POLD3: variants seen among roughly 807,000 people sequenced by gnomAD.
POLD3 encodes the protein DNA polymerase delta subunit 3.
POLD3 carries 19 observed loss-of-function variants against 58.2 expected under a neutral mutation model. The observed-to-expected ratio is 0.33, with a 90% confidence interval of 0.23 to 0.48. POLD3 has a LOEUF of 0.48. POLD3 is among the 20% of genes least tolerant of loss of function. The pLI, the probability that POLD3 is intolerant of heterozygous loss-of-function variation, is 0.99. For synonymous variants in POLD3, 172 were observed against 193.5 expected, an observed-to-expected ratio of 0.89 and a Z score of 0.92; for missense variants, 504 against 545.5, an observed-to-expected ratio of 0.92 and a Z score of 0.76.
intron 1 of POLD3, 37 bp downstream of exon 1, chr11:74,592,755 C>A: frequency 6.2e-7 from 1 of 1,612,102 alleles, no homozygotes; most frequent in Non-Finnish European, 8.5e-7. Flanking sequence ...GGCGTGCGAC[C>A]GGGGTCCTGG....
downstream of POLD3, among the ~76,000 whole-genome samples, chr11:74,647,237 C>T (rs1408073303): frequency 6.6e-6 from 1 of 152,132 alleles, no homozygotes; most frequent in Non-Finnish European, 1.5e-5. Context: ...GTTGGGGACC[C>T]CTGGTATAGT....
chr11:74,594,154 ATT>A, intron 2 of POLD3, 38 bp downstream of exon 2: 1 of 1,271,964 alleles, frequency 7.9e-7, no homozygotes, highest in Non-Finnish European at 1.1e-6. Context: ...TCATATTGGA[ATT>A]TTTTTTTGTT....
chr11:74,621,923 C>T (rs1186290763), intron 7 of POLD3, among the ~76,000 whole-genome samples: 5 of 151,610 alleles, frequency 3.3e-5, no homozygotes, highest in South Asian at 2.1e-4. Flanking sequence ...ACAATGTGCA[C>T]GTTAGTTACA....
chr11:74,611,607 C>A, intron 4 of POLD3, 69 bp downstream of exon 4: 1 of 795,262 alleles, frequency 1.3e-6, no homozygotes, highest in Non-Finnish European at 2.1e-6. Flanking sequence ...AAAAAATCTG[C>A]CTCTAACATC....
chr11:74,660,187 C>G (rs2033188206), intron 4 of POLD3, among the ~76,000 whole-genome samples: 1 of 152,152 alleles, frequency 6.6e-6, no homozygotes, highest in Non-Finnish European at 1.5e-5. Flanking sequence ...GAGACTTACT[C>G]ACTATCATGA....
chr11:74,632,399 G>A (rs1254897675), intron 9 of POLD3, among the ~76,000 whole-genome samples: 3 of 152,170 alleles, frequency 2.0e-5, no homozygotes, highest in Admixed American at 2.0e-4. Context: ...AAATACACCA[G>A]TGCATTGGAC....
At chr11:74,638,782 G>A in intron 11 of POLD3, 2 of 437,654 alleles carry the variant, frequency 4.6e-6, no homozygotes, top group South Asian at 3.3e-5. Context: ...TTCTGCATCA[G>A]TAGGCCAGGA....
intron 9 of POLD3, among the ~76,000 whole-genome samples, chr11:74,633,402 T>A (rs770093395): frequency 6.6e-6 from 1 of 152,172 alleles, no homozygotes; most frequent in Non-Finnish European, 1.5e-5. Flanking sequence ...ATACTTAAAG[T>A]GTGTAATTTA....
chr11:74,596,764 C>G (rs540522154), intron 2 of POLD3, among the ~76,000 whole-genome samples: 2 of 152,158 alleles, frequency 1.3e-5, no homozygotes, highest in African/African-American at 2.4e-5. Context: ...CCCCATTCCC[C>G]CTCCCCTAAC....
intron 4 of POLD3, among the ~76,000 whole-genome samples, chr11:74,655,617 A>G (rs2033123679): frequency 6.6e-6 from 1 of 152,070 alleles, no homozygotes; most frequent in African/African-American, 2.4e-5. Context: ...ATAGAAGACA[A>G]ACCATGGGGA....
chr11:74,609,372 ATTTTTTTTTT>A (rs869157886), intron 3 of POLD3, among the ~76,000 whole-genome samples: 1,169 of 26,924 alleles, frequency 0.043, 13 homozygotes, highest in Non-Finnish European at 0.05. Flanking sequence ...ATATATATAT[ATTTTTTTTTT>A]TTTTTTTTTT....
At chr11:74,616,846 T>C (rs1021199802) in intron 5 of POLD3, among the ~76,000 whole-genome samples, 1 of 152,304 alleles carries the variant, frequency 6.6e-6, no homozygotes, top group Non-Finnish European at 1.5e-5. Flanking sequence ...GGTTGATCTT[T>C]TAAGATAATT....
intron 7 of POLD3, among the ~76,000 whole-genome samples, chr11:74,623,249 C>T (rs1414253160): frequency 2.0e-5 from 3 of 151,928 alleles, no homozygotes; most frequent in Non-Finnish European, 4.4e-5. Context: ...CTGGCTAACA[C>T]GGTGAAACCC....
At chr11:74,662,822 A>G (rs1362000358) in intron 4 of POLD3, among the ~76,000 whole-genome samples, 7 of 152,166 alleles carry the variant, frequency 4.6e-5, no homozygotes, top group Non-Finnish European at 8.8e-5. Flanking sequence ...ACTTTAGCCC[A>G]CAGTGCTGAG....
chr11:74,633,941 A>G (rs1165683779), intron 9 of POLD3, among the ~76,000 whole-genome samples: 1 of 152,248 alleles, frequency 6.6e-6, no homozygotes, highest in Non-Finnish European at 1.5e-5. Flanking sequence ...TGTTAACATC[A>G]GCTGGAAATT....
At chr11:74,615,572 T>G (rs1330203845) in intron 5 of POLD3, among the ~76,000 whole-genome samples, 2 of 152,132 alleles carry the variant, frequency 1.3e-5, no homozygotes, top group Non-Finnish European at 2.9e-5. Context: ...TCCAGGAGAT[T>G]AGACTGCAAA....
At chr11:74,600,830 G>A (rs1201829251) in intron 2 of POLD3, among the ~76,000 whole-genome samples, 1 of 144,246 alleles carries the variant, frequency 6.9e-6, no homozygotes, top group Non-Finnish European at 1.5e-5. Flanking sequence ...CGATTCTCCT[G>A]CTTCAGCCTC....
chr11:74,606,562 A>C (rs1049030221), intron 3 of POLD3, among the ~76,000 whole-genome samples: 2 of 152,216 alleles, frequency 1.3e-5, no homozygotes, highest in African/African-American at 4.8e-5. Flanking sequence ...TTTTGAGTTC[A>C]TGGATCTTCT....
rs1027373823 is a variant in POLD3 at position 74,642,397 on chromosome 11, C to A, written c.*1631C>A. ...AGAAAAAACTTCTGGAGAGAAATCC[C>A]TTTTAAACAGTTACTTTTGTCATTG... On this transcript the variant is annotated 3_prime_UTR_variant, in exon 12 of 12. Coordinates refer to ENST00000263681, the MANE Select transcript of POLD3 (RefSeq NM_006591.3). 4.1e-6 allele frequency: 4 copies of A among 984,866 alleles called. No individual in the cohort carries two copies. In the African/African-American group the frequency reaches 7.0e-5, roughly 17 times the overall value. The allele number at this position is 984,866 out of a possible 1,614,324, so 61.0% of individuals were successfully genotyped here.
Sources: gnomAD v4.1 joint callset for allele counts (sites outside exome capture counted in the v4.1 genomes callset) on GRCh38, gnomAD v4.1.1 for gene constraint, MANE v1.5 for transcripts, NCBI Gene and HGNC (gene_info 2026-07-23, HGNC 2026-07-21) for gene names.